The following COL4A2 variants were observed in gnomAD, a reference collection of about 807,000 sequenced individuals.
COL4A2 encodes collagen alpha-2(IV) chain.
COL4A2 carries 99 observed loss-of-function variants against 200.2 expected under a neutral mutation model. The ratio of observed to expected loss-of-function variants is 0.49; its 90% CI spans 0.42 to 0.58. The LOEUF is 0.58. Among genes scored for constraint, COL4A2 ranks in the 20% least tolerant of loss-of-function variants. The pLI, the probability that COL4A2 is intolerant of heterozygous loss-of-function variation, is 0.00. For missense variants in COL4A2, 1,950 were observed against 2,314.1 expected, an observed-to-expected ratio of 0.84 and a Z score of 3.23; for synonymous variants, 897 against 900.6, an observed-to-expected ratio of 1.00 and a Z score of 0.07.
chr13:110,414,351 A>T (rs1273739074), intron 4 of COL4A2, among the ~76,000 whole-genome samples: 1 of 152,258 alleles, frequency 6.6e-6, no homozygotes, highest in African/African-American at 2.4e-5. Context: ...AAAAATACAT[A>T]TATAAATTCT....
chr13:110,402,539 C>T (rs1356587677), intron 4 of COL4A2, among the ~76,000 whole-genome samples: 2 of 152,228 alleles, frequency 1.3e-5, no homozygotes, highest in Non-Finnish European at 2.9e-5. Flanking sequence ...TTGCAGCTCT[C>T]CAGGCTGGGC....
rs1332818684 is a variant in COL4A2, at chr13:110,485,648, C to T, written c.3026-7C>T. The T allele has an allele frequency of 3.8e-6, 6 of 1,593,924 alleles. No individual in the cohort carries two copies. In the East Asian group the frequency reaches 1.1e-4, roughly 30 times the overall value. ...CCAGAGTGTTACACACCAGGGTCTT[C>T]CTGCAGGTATCCAAGGAATGCCAGG... On this transcript the variant is annotated splice_polypyrimidine_tract_variant and splice_region_variant and intron_variant, in intron 33 of 47. Coordinates refer to ENST00000360467, the MANE Select transcript of COL4A2 (RefSeq NM_001846.4).
chr13:110,461,630 C>T (rs1457631102), intron 22 of COL4A2, among the ~76,000 whole-genome samples: 1 of 152,198 alleles, frequency 6.6e-6, no homozygotes, highest in Non-Finnish European at 1.5e-5. Flanking sequence ...AAGTGACTCT[C>T]CTGCCTCAGC....
At chr13:110,367,641 C>T (rs1877812784) in intron 4 of COL4A2, among the ~76,000 whole-genome samples, 1 of 152,252 alleles carries the variant, frequency 6.6e-6, no homozygotes, top group South Asian at 2.1e-4. Flanking sequence ...CATCTGTCAG[C>T]AAAAGCAGGC....
At chr13:110,369,659 A>C (rs1877916113) in intron 4 of COL4A2, among the ~76,000 whole-genome samples, 2 of 152,186 alleles carry the variant, frequency 1.3e-5, no homozygotes, top group Non-Finnish European at 1.5e-5. Flanking sequence ...GCAACAAAGG[A>C]AAATTTTAGC....
At chr13:110,445,710 G>A (rs1199684409) in intron 16 of COL4A2, 119 bp from the exon 17 acceptor site, 6 of 1,317,134 alleles carry the variant, frequency 4.6e-6, no homozygotes, top group African/African-American at 1.4e-5. Flanking sequence ...CACAGACTGG[G>A]TTAATACATG....
intron 3 of COL4A2, among the ~76,000 whole-genome samples, chr13:110,346,156 A>C (rs1876691391): frequency 6.6e-6 from 1 of 152,184 alleles, no homozygotes; most frequent in East Asian, 1.9e-4. Flanking sequence ...CTGAAGGAAC[A>C]GTATCAAAAT....
At chr13:110,497,816 ACAGCC>A (rs1883515610) in intron 40 of COL4A2, among the ~76,000 whole-genome samples, 3 of 143,150 alleles carry the variant, frequency 2.1e-5, no homozygotes, top group Non-Finnish European at 3.1e-5. Context: ...GTCCAGCAGC[ACAGCC>A]TCAGTCAGGG....
intron 4 of COL4A2, among the ~76,000 whole-genome samples, chr13:110,374,557 G>A (rs943864284): frequency 2.6e-5 from 4 of 152,142 alleles, no homozygotes; most frequent in South Asian, 2.1e-4. Context: ...ATCTGTTTGC[G>A]TTTATCCTAC....
chr13:110,509,794 A>G (rs754342524), intron 47 of COL4A2, among the ~76,000 whole-genome samples: 1 of 152,220 alleles, frequency 6.6e-6, no homozygotes, highest in South Asian at 2.1e-4. Flanking sequence ...GGAACTTGAC[A>G]TCCCCAAAAG....
At position 110,429,919 on chromosome 13, in the gene COL4A2, C is replaced by G. The variant is rs1347164251; in HGVS notation, c.512C>G (p.Pro171Arg). Reference protein sequence around the residue: ...PQGPKGQKGEPYALPKEERDR... With the variant: ...PQGPKGQKGERYALPKEERDR... ...GGACCAAAAGGGCAGAAAGGTGAGC[C>G]TTATGCACTGCCTAAAGAGGAGCGC... The change falls in exon 8 of 48, where the codon CCT becomes CGT. Residue 171 changes from proline to arginine, a missense_variant. By Grantham distance (103) the Pro-to-Arg change is moderately radical (BLOSUM62 -2). Coordinates refer to ENST00000360467, the MANE Select transcript of COL4A2 (RefSeq NM_001846.4). The G allele has an allele frequency of 3.7e-6, 6 of 1,612,228 alleles. No individual in the cohort carries two copies. The highest frequency in any genetic ancestry group is 5.1e-6 in the Non-Finnish European group (6 of 1,179,442).
intron 29 of COL4A2, among the ~76,000 whole-genome samples, chr13:110,477,438 A>G (rs1594097256): frequency 1.3e-5 from 2 of 152,358 alleles, no homozygotes; most frequent in South Asian, 2.1e-4. Context: ...AAACAACATT[A>G]AATTAGTGTT....
At chr13:110,332,817 A>G (rs1410884617) in intron 3 of COL4A2, among the ~76,000 whole-genome samples, 3 of 152,212 alleles carry the variant, frequency 2.0e-5, no homozygotes, top group African/African-American at 2.4e-5. Context: ...TTCTGCATCA[A>G]CAGTATTCTC....
At chr13:110,422,348 T>C (rs1446604868) in intron 4 of COL4A2, among the ~76,000 whole-genome samples, 1 of 150,798 alleles carries the variant, frequency 6.6e-6, no homozygotes, top group Non-Finnish European at 1.5e-5. Flanking sequence ...CACTAAGCAT[T>C]GGAGATAGAA....
Position 110,446,897 on chromosome 13 carries a change from A to G in COL4A2, c.1078+33A>G, listed in dbSNP as rs558241734. The stretch of plus-strand genomic sequence containing the variant: ...AACAATTTCACCTGCATAGTTCAGC[A>G]TCGCATACACATTCTCTCCTGTTAG... On this transcript the variant is annotated intron_variant, in intron 18 of 47. Coordinates refer to ENST00000360467, the MANE Select transcript of COL4A2 (RefSeq NM_001846.4). 210 of 1,571,788 alleles carry G rather than the reference A, an allele frequency of 1.3e-4. No homozygotes were observed. In the East Asian group the frequency reaches 3.5e-3, roughly 26 times the overall value.
chr13:110,360,139 C>A (rs1206380303), intron 4 of COL4A2, among the ~76,000 whole-genome samples: 2 of 152,220 alleles, frequency 1.3e-5, no homozygotes, highest in Non-Finnish European at 2.9e-5. Flanking sequence ...CCCCGCAGCC[C>A]TTGACTGGCT....
At chr13:110,354,790 T>G (rs1174313182) in intron 3 of COL4A2, among the ~76,000 whole-genome samples, 2 of 152,112 alleles carry the variant, frequency 1.3e-5, no homozygotes, top group Non-Finnish European at 2.9e-5. Context: ...CATGGAGTCA[T>G]TGCTGGAACC....
At chr13:110,475,009 C>T (rs907226071) in intron 29 of COL4A2, among the ~76,000 whole-genome samples, 23 of 151,832 alleles carry the variant, frequency 1.5e-4, no homozygotes, top group Non-Finnish European at 2.9e-4. Context: ...CATGATCGTA[C>T]ACTCATACAC....
chr13:110,407,444 G>A (rs1879614826), intron 4 of COL4A2, among the ~76,000 whole-genome samples: 1 of 152,256 alleles, frequency 6.6e-6, no homozygotes, highest in Admixed American at 6.5e-5. Context: ...GTAGAGAGGA[G>A]CTGCACCTAG....
Sources: gnomAD v4.1 joint callset for allele counts (sites outside exome capture counted in the v4.1 genomes callset) on GRCh38, gnomAD v4.1.1 for gene constraint, MANE v1.5 for transcripts, NCBI Gene and HGNC (gene_info 2026-07-23, HGNC 2026-07-21) for gene names.